The following PPP2R5C variants were observed in gnomAD, a reference collection of about 807,000 sequenced individuals.
The protein encoded by PPP2R5C is serine/threonine-protein phosphatase 2A 56 kDa regulatory subunit gamma isoform.
A neutral mutation model predicts 68.9 loss-of-function variants in PPP2R5C; 7 were observed. The ratio of observed to expected loss-of-function variants is 0.10; its 90% confidence interval spans 0.06 to 0.19. The LOEUF is 0.19. PPP2R5C is among the 10% of genes least tolerant of loss of function. The probability of loss-of-function intolerance (pLI) is 1.00; values close to 1 mark genes in which losing one functional copy is unlikely to be tolerated. For synonymous variants in PPP2R5C, 210 were observed against 222.2 expected, an observed-to-expected ratio of 0.95 and a Z score of 0.49; for missense variants, 348 against 641.3, an observed-to-expected ratio of 0.54 and a Z score of 4.94.
At chr14:101,764,208 T>C (rs2036733841) in intron 2 of PPP2R5C, among the ~76,000 whole-genome samples, 1 of 152,198 alleles carries the variant, frequency 6.6e-6, no homozygotes, top group Non-Finnish European at 1.5e-5. Flanking sequence ...TCCTTTGCCT[T>C]TTCTTCCTTG....
Position 101,811,215 on chromosome 14 carries a change from TTTA to T in PPP2R5C, c.94+1182_94+1184del, listed in dbSNP as rs370582747. The stretch of plus-strand genomic sequence containing the variant: ...ACCAAATTGTAGGACAGGCTGTGAA[TTTA>T]TTGTTTTTGTAGTGCACCCAGTAAA... On this transcript the variant is annotated intron_variant, in intron 1 of 13. Transcript: ENST00000334743. 4.6e-5 allele frequency among the ~76,000 whole-genome samples: 7 copies of T among 152,364 alleles called. No homozygotes were observed. The East Asian group carries it at 1.3e-3, about 29-fold the overall frequency.
chr14:101,832,378 G>A (rs1005378800), intron 1 of PPP2R5C, among the ~76,000 whole-genome samples: 1 of 152,134 alleles, frequency 6.6e-6, no homozygotes, highest in Non-Finnish European at 1.5e-5. Flanking sequence ...TATATAATTA[G>A]CACATCAAAT....
chr14:101,763,489 TCTC>T (rs555221172), intron 2 of PPP2R5C, among the ~76,000 whole-genome samples: 11 of 151,880 alleles, frequency 7.2e-5, no homozygotes, highest in African/African-American at 2.7e-4. Context: ...TTCAAGCAAT[TCTC>T]CTGCCTCAGC....
intron 2 of PPP2R5C, among the ~76,000 whole-genome samples, chr14:101,778,234 T>C (rs2037515402): frequency 1.3e-5 from 2 of 152,240 alleles, no homozygotes; most frequent in South Asian, 4.1e-4. Flanking sequence ...GTGAAATGCC[T>C]GTTCAAGTCC....
chr14:101,788,661 A>G (rs1290490444), intron 3 of PPP2R5C, among the ~76,000 whole-genome samples: 1 of 152,178 alleles, frequency 6.6e-6, no homozygotes, highest in Non-Finnish European at 1.5e-5. Context: ...TATCCAGGAG[A>G]ATTTCACATG....
At chr14:101,810,201 T>C in intron 1 of PPP2R5C, 1 of 635,450 alleles carries the variant, frequency 1.6e-6, no homozygotes, top group Non-Finnish European at 2.7e-6. Flanking sequence ...AGTTTGGCAT[T>C]TTACGAACTA....
intron 1 of PPP2R5C, among the ~76,000 whole-genome samples, chr14:101,830,336 G>A (rs950049765): frequency 2.6e-5 from 4 of 152,224 alleles, no homozygotes; most frequent in Non-Finnish European, 4.4e-5. Flanking sequence ...CTCCAGACAA[G>A]ACACAGAGTT....
At chr14:101,810,101 C>A in intron 1 of PPP2R5C, 1 of 1,426,704 alleles carries the variant, frequency 7.0e-7, no homozygotes, top group Non-Finnish European at 9.8e-7. Context: ...GGCTATTGTG[C>A]TTCAGATAAG....
chr14:101,906,288 C>A lies in PPP2R5C; in HGVS notation c.1024-114C>A. 1 of 1,135,748 alleles carries A rather than the reference C, an allele frequency of 8.8e-7. No homozygotes were observed. Among genetic ancestry groups the A allele is most frequent in the Non-Finnish European group, 1.2e-6 (1 of 818,176 alleles). The allele number at this position is 1,135,748 out of a possible 1,614,324, so 70.4% of individuals were successfully genotyped here. On this transcript the variant is annotated intron_variant, in intron 9 of 13. Transcript: ENST00000334743. This position sits in a 1 kb window ranked among gnomAD's most constrained non-coding sequence, Gnocchi z 4.0. ...AATATTTTGAATTTGTAGAAATAAT[C>A]ATAATTTTCTGGTCCAAGGTAGTTC...
At chr14:101,896,300 G>A (rs1226768163) in intron 8 of PPP2R5C, among the ~76,000 whole-genome samples, 2 of 151,936 alleles carry the variant, frequency 1.3e-5, no homozygotes, top group East Asian at 1.9e-4. Context: ...GATAACAGGC[G>A]TAAGCCACCA....
chr14:101,783,495 A>T (rs942730027), intron 2 of PPP2R5C, among the ~76,000 whole-genome samples: 1 of 151,770 alleles, frequency 6.6e-6, no homozygotes, highest in African/African-American at 2.4e-5. Context: ...CAGAGCAGGC[A>T]GACTGGCTCC....
intron 2 of PPP2R5C, among the ~76,000 whole-genome samples, chr14:101,881,856 C>G (rs547516049): frequency 4.6e-5 from 7 of 152,216 alleles, no homozygotes; most frequent in African/African-American, 1.7e-4. Context: ...AGTATAAGAC[C>G]TCAGAAGTCA....
At chr14:101,837,055 T>C (rs559058860) in intron 1 of PPP2R5C, among the ~76,000 whole-genome samples, 2 of 152,344 alleles carry the variant, frequency 1.3e-5, no homozygotes, top group South Asian at 4.1e-4. Flanking sequence ...TAGACATAAG[T>C]TGTTATTACT....
rs916459541 is a variant in PPP2R5C, at chr14:101,917,731, C to T, written c.1327-100C>T. 6.5e-7 allele frequency: 1 copy of T among 1,541,798 alleles called. No individual in the cohort carries two copies. Among genetic ancestry groups the T allele is most frequent in the East Asian group, 2.3e-5 (1 of 43,938 alleles). ...GAGTGGGCTTCCTGCGGGAGAGGGC[C>T]CTGGGGGGCGGCAGGGGAGATGAGT... is the stretch of plus-strand genomic sequence containing the variant. On this transcript the variant is annotated intron_variant, in intron 12 of 13. Transcript: ENST00000334743. The surrounding 1 kb of genome is among the most constrained non-coding windows in gnomAD (Gnocchi z 4.4).
At chr14:101,808,816 G>A (rs114774001), upstream of PPP2R5C, among the ~76,000 whole-genome samples, 1,760 of 152,256 alleles carry the variant, frequency 0.012, 30 homozygotes, top group African/African-American at 0.04. Flanking sequence ...TCCACCTGCC[G>A]AAGAGGCTTT....
intron 2 of PPP2R5C, among the ~76,000 whole-genome samples, chr14:101,869,685 C>T (rs1333787313): frequency 6.6e-6 from 1 of 152,056 alleles, no homozygotes; most frequent in Admixed American, 6.5e-5. Context: ...GACAGGGTCT[C>T]GCTCTGCCAG....
At chr14:101,787,512 C>G (rs1420555311) in intron 3 of PPP2R5C, among the ~76,000 whole-genome samples, 1 of 151,878 alleles carries the variant, frequency 6.6e-6, no homozygotes, top group Non-Finnish European at 1.5e-5. Flanking sequence ...GCCTGTAATC[C>G]CAGCACTTTG....
intron 2 of PPP2R5C, among the ~76,000 whole-genome samples, chr14:101,865,495 T>G (rs1190033351): frequency 6.6e-6 from 1 of 152,244 alleles, no homozygotes; most frequent in Non-Finnish European, 1.5e-5. Context: ...CTGGGTCATG[T>G]GCCCACCAAA....
intron 2 of PPP2R5C, among the ~76,000 whole-genome samples, chr14:101,776,375 A>C (rs1450301512): frequency 6.6e-6 from 1 of 152,120 alleles, no homozygotes; most frequent in Non-Finnish European, 1.5e-5. Context: ...CCAGATCGCT[A>C]AACAGTATCA....
Sources: allele counts gnomAD v4.1 joint callset (sites outside exome capture counted in the v4.1 genomes callset), GRCh38; gene constraint gnomAD v4.1.1; non-coding constraint Gnocchi (gnomAD v3.1); transcripts MANE v1.5; gene names NCBI Gene and HGNC (gene_info 2026-07-23, HGNC 2026-07-21).